The following TTC39B variants were observed in gnomAD, a reference collection of about 807,000 sequenced individuals.
TTC39B encodes tetratricopeptide repeat protein 39B.
In TTC39B, 92 loss-of-function variants were observed where a neutral mutation model predicts 96.6. That is an observed-to-expected ratio of 0.95 (90% confidence interval 0.80 to 1.13). TTC39B has a LOEUF of 1.13. Among genes scored for constraint, TTC39B ranks in the 50% most tolerant of loss-of-function variants. The pLI is 0.00. For synonymous variants in TTC39B, 367 were observed against 299.4 expected (o/e 1.23, Z -2.33); for missense variants, 955 against 809.3 (o/e 1.18, Z -2.18).
intron 3 of TTC39B, among the ~76,000 whole-genome samples, chr9:15,224,935 A>G (rs1395450783): frequency 2.6e-5 from 4 of 152,230 alleles, no homozygotes; most frequent in Non-Finnish European, 5.9e-5. Flanking sequence ...GAACACACGC[A>G]TAGCTGAAAT....
In TTC39B at chr9:15,232,671, A is replaced by G. The variant is rs147368621; in HGVS notation, c.276-6659T>C. Among the ~76,000 whole-genome samples, 810 of 152,360 alleles carry G rather than the reference A, an allele frequency of 5.3e-3. 9 individuals are homozygous for G. Among genetic ancestry groups the G allele is most frequent in the African/African-American group, 0.019 (790 of 41,590 alleles). ...ATGAGGGAAGAGACTAATATCCTTT[A>G]AAAAACAAAAACAGAGCCCGCCTAG... On this transcript the variant is annotated intron_variant, in intron 2 of 19. Coordinates refer to ENST00000512701, the Ensembl canonical transcript of TTC39B.
chr9:15,245,559 C>T (rs543403971), intron 2 of TTC39B, among the ~76,000 whole-genome samples: 4 of 152,102 alleles, frequency 2.6e-5, no homozygotes, highest in African/African-American at 7.2e-5. Context: ...GGCAAATAAA[C>T]GCTATATATT....
chr9:15,250,403 G>T lies in TTC39B; in HGVS notation c.275+17511C>A, dbSNP rs142218497. Among the ~76,000 whole-genome samples the T allele has an allele frequency of 3.6e-3, 542 of 151,128 alleles. 7 individuals are homozygous for T. The highest frequency in any genetic ancestry group is 0.012 in the African/African-American group (499 of 41,226). On this transcript the variant is annotated intron_variant, in intron 2 of 19. Transcript: ENST00000512701. The stretch of plus-strand genomic sequence containing the variant: ...AGGGATTCATGTCCTATCTAAAAAG[G>T]GACAATTAAGAAAAAAAAAAAAGAA...
chr9:15,301,109 C>T (rs890874442), intron 1 of TTC39B, among the ~76,000 whole-genome samples: 3 of 152,124 alleles, frequency 2.0e-5, no homozygotes, highest in African/African-American at 7.2e-5. Flanking sequence ...GGGAGCCCAA[C>T]ACAATCCCAC....
intron 7 of TTC39B, among the ~76,000 whole-genome samples, 168 bp from the exon 8 acceptor site, chr9:15,200,093 T>C (rs1819446569): frequency 6.6e-6 from 1 of 152,158 alleles, no homozygotes; most frequent in African/African-American, 2.4e-5. Flanking sequence ...ATTTAAAAGT[T>C]TTTGGGGTAA....
intron 8 of TTC39B, among the ~76,000 whole-genome samples, chr9:15,198,379 C>T (rs1443177308): frequency 1.3e-5 from 2 of 151,252 alleles, no homozygotes; most frequent in African/African-American, 4.9e-5. Flanking sequence ...GTTGCTTGAA[C>T]CCAGGAGGCA....
At chr9:15,302,251 G>C (rs1043488197) in intron 1 of TTC39B, among the ~76,000 whole-genome samples, 1 of 151,554 alleles carries the variant, frequency 6.6e-6, no homozygotes, top group Non-Finnish European at 1.5e-5. Flanking sequence ...ACTTGAGCCC[G>C]GGAGGCAGAC....
At chr9:15,214,047 G>A in intron 4 of TTC39B, 92 bp downstream of exon 4, 6 of 944,572 alleles carry the variant, frequency 6.4e-6, no homozygotes, top group Non-Finnish European at 9.6e-6. Context: ...ATATTCAGAT[G>A]GGAACAGCTA....
rs952460069 is a variant in TTC39B, at chr9:15,307,148, C to T, written c.176G>A (p.Gly59Asp). ...CATATTCCTCCTCTGGCTGCTGCCA[C>T]CCAAAAACCAAGCAGGGAACTCAGA... is the stretch of plus-strand genomic sequence containing the variant. The change falls in exon 1 of 20, where the codon GGT becomes GAT. Residue 59 changes from glycine (G) to aspartate (D), a missense_variant. Physicochemically the swap from Gly to Asp is moderately conservative, Grantham distance 94. It adds an upstream start codon to the 5' untranslated region. Transcript: ENST00000512701. The T allele has an allele frequency of 3.9e-5, 62 of 1,607,034 alleles. No homozygotes were observed. The highest frequency in any genetic ancestry group is 5.1e-5 in the Admixed American group (3 of 59,296).
exon 20 of TTC39B, chr9:15,165,977 T>A (rs1430532982): frequency 6.6e-6 from 1 of 152,200 alleles, no homozygotes; most frequent in Non-Finnish European, 1.5e-5. Flanking sequence ...TCTGCTACAC[T>A]GAGACCAATT....
Position 15,210,080 on chromosome 9 carries a change from A to G in TTC39B, c.691+8T>C, listed in dbSNP as rs1185616388. On this transcript the variant is annotated splice_region_variant and intron_variant, in intron 6 of 19. Coordinates refer to ENST00000512701, the Ensembl canonical transcript of TTC39B. ...AAGGAAAAAAGTGATCTTTTAAATG[A>G]CTTTTACCTTCACTCAGTTGCTCCA... 1 of 1,583,826 alleles carries G rather than the reference A, an allele frequency of 6.3e-7. No homozygotes were observed.
Position 15,306,960 on chromosome 9 carries a change from A to T in TTC39B, c.240+124T>A. ...CGGGCGCCCCCACCCGGCGCCCGCC[A>T]GCCCACCCCAGAGAGGGGACCAAGG... On this transcript the variant is annotated intron_variant, in intron 1 of 19. Transcript: ENST00000512701. The surrounding 1 kb of genome is among the most constrained non-coding windows in gnomAD (Gnocchi z 5.1). The T allele has an allele frequency of 7.1e-7, 1 of 1,400,842 alleles. No individual in the cohort carries two copies. The highest frequency in any genetic ancestry group is 9.5e-7 in the Non-Finnish European group (1 of 1,047,320). 86.8% of individuals were successfully genotyped at this position (1,400,842 alleles called of 1,614,324 possible).
intron 3 of TTC39B, among the ~76,000 whole-genome samples, chr9:15,219,361 A>G (rs577643): frequency 0.021 from 3,244 of 152,288 alleles, 119 homozygotes; most frequent in African/African-American, 0.074. Flanking sequence ...ACATATGCAC[A>G]CATACATGGT....
intron 3 of TTC39B, among the ~76,000 whole-genome samples, chr9:15,214,960 C>A (rs473384): frequency 0.46 from 69,793 of 152,088 alleles, 17,380 homozygotes; most frequent in African/African-American, 0.65. Context: ...GCAAACAAAA[C>A]TGCTGATAAG....
In TTC39B at chr9:15,306,294, A is replaced by C. The variant is rs10810374; in HGVS notation, c.240+790T>G. 0.22 allele frequency among the ~76,000 whole-genome samples: 34,171 copies of C among 152,204 alleles called. 4,046 individuals carry two copies. Among genetic ancestry groups the C allele is most frequent in the Admixed American group, 0.28 (4,265 of 15,300 alleles). On this transcript the variant is annotated intron_variant, in intron 1 of 19. Coordinates refer to ENST00000512701, the Ensembl canonical transcript of TTC39B. This position sits in a 1 kb window ranked among gnomAD's most constrained non-coding sequence, Gnocchi z 5.1. ...CAGGTGCTGAAATGAATAGTCAATAAATCAACAGGTCCGGCGCGCTAGCCC... is the reference window on the plus strand; with the variant it reads ...CAGGTGCTGAAATGAATAGTCAATACATCAACAGGTCCGGCGCGCTAGCCC...
chr9:15,272,240 C>A lies in TTC39B; in HGVS notation c.241-4292G>T, dbSNP rs368852757. 5.3e-5 allele frequency among the ~76,000 whole-genome samples: 8 copies of A among 152,268 alleles called. No individual in the cohort carries two copies. The East Asian group carries it at 1.4e-3, about 26-fold the overall frequency. ...TCTCCCACCTGGCCCTCAGTAGTCACGCATGTATTCTTCATGTAGCAGAAC... is the reference window on the plus strand; with the variant it reads ...TCTCCCACCTGGCCCTCAGTAGTCAAGCATGTATTCTTCATGTAGCAGAAC... On this transcript the variant is annotated intron_variant, in intron 1 of 19. Coordinates refer to ENST00000512701, the Ensembl canonical transcript of TTC39B.
At chr9:15,211,356 A>G (rs1820190011) in exon 5 of TTC39B, 2 of 1,597,472 alleles carry the variant, frequency 1.3e-6, no homozygotes, top group South Asian at 1.1e-5. Flanking sequence ...CAACACCACA[A>G]TGGTACTGTA....
chr9:15,189,637 C>A lies in TTC39B; in HGVS notation c.1174-4G>T. 1.2e-6 allele frequency: 2 copies of A among 1,614,104 alleles called. No homozygotes were observed. Among genetic ancestry groups the A allele is most frequent in the Admixed American group, 1.7e-5 (1 of 60,016 alleles). On this transcript the variant is annotated splice_region_variant and splice_polypyrimidine_tract_variant and intron_variant, in intron 12 of 19. Transcript: ENST00000512701. ...GATAAAACAACACGAGTGAGCCCTG[C>A]AGAGCAAGGAAGAAAACACACTGTT... is the stretch of plus-strand genomic sequence containing the variant.
intron 2 of TTC39B, among the ~76,000 whole-genome samples, chr9:15,238,051 T>C (rs1422384733): frequency 6.6e-6 from 1 of 152,034 alleles, no homozygotes; most frequent in African/African-American, 2.4e-5. Context: ...AAACAACTGA[T>C]AAAATCCAAC....
Sources: allele counts gnomAD v4.1 joint callset (sites outside exome capture counted in the v4.1 genomes callset), GRCh38; gene constraint gnomAD v4.1.1; non-coding constraint Gnocchi (gnomAD v3.1); transcripts MANE v1.5; gene names NCBI Gene and HGNC (gene_info 2026-07-23, HGNC 2026-07-21).